The following FAM107B variants were observed in gnomAD, a reference collection of about 807,000 sequenced individuals.
FAM107B encodes family with sequence similarity 107 member B, also known as protein FAM107B.
A neutral mutation model predicts 31.5 loss-of-function variants in FAM107B; 21 were observed. The ratio of observed to expected loss-of-function variants is 0.67; its 90% CI spans 0.47 to 0.96. The LOEUF (loss-of-function observed/expected upper bound fraction) is 0.96, where lower values mean the gene tolerates loss of function less well. Among genes scored for constraint, FAM107B ranks in the 40% least tolerant of loss-of-function variants. FAM107B has a pLI of 0.00. For missense variants in FAM107B, 452 were observed against 377.1 expected (o/e 1.20, Z -1.64); for synonymous variants, 157 against 141.5 (o/e 1.11, Z -0.78).
At chr10:14,711,795 C>T in intron 1 of FAM107B, among the ~76,000 whole-genome samples, 1 of 152,206 alleles carries the variant, frequency 6.6e-6, no homozygotes, top group East Asian at 1.9e-4. Flanking sequence ...AGGCACCTGC[C>T]ACTACACCCA....
chr10:14,767,016 A>ATG lies in FAM107B; in HGVS notation c.411+7235_411+7236dup, dbSNP rs1456175007. On this transcript the variant is annotated intron_variant, in intron 1 of 4. Coordinates refer to ENST00000181796, the MANE Select transcript of FAM107B (RefSeq NM_031453.4). ...AGAAAACTGCAGAACAATATCCCTG[A>ATG]TGTGTATGTATATATATATATATAT... 2.2e-3 allele frequency among the ~76,000 whole-genome samples: 130 copies of ATG among 59,344 alleles called. 9 individuals are homozygous for ATG. The highest frequency in any genetic ancestry group is 8.1e-3 in the African/African-American group (120 of 14,728). 38.9% of individuals were successfully genotyped at this position (59,344 alleles called of 152,430 possible).
At chr10:14,614,072 A>G (rs1452502691) in intron 2 of FAM107B, among the ~76,000 whole-genome samples, 3 of 152,146 alleles carry the variant, frequency 2.0e-5, no homozygotes, top group Non-Finnish European at 4.4e-5. Flanking sequence ...CAGAGGTTGC[A>G]GTGAGCCAAG....
chr10:14,733,331 A>G (rs1856217793), intron 1 of FAM107B, among the ~76,000 whole-genome samples: 1 of 152,128 alleles, frequency 6.6e-6, no homozygotes, highest in Non-Finnish European at 1.5e-5. Context: ...CGGAGATCAC[A>G]TTTTACTTCA....
At chr10:14,737,452 A>C (rs1856326864) in intron 1 of FAM107B, among the ~76,000 whole-genome samples, 1 of 151,996 alleles carries the variant, frequency 6.6e-6, no homozygotes, top group Non-Finnish European at 1.5e-5. Context: ...GTCTCTACTA[A>C]AAATACAAAA....
At chr10:14,750,217 G>A (rs1832800357) in intron 1 of FAM107B, among the ~76,000 whole-genome samples, 1 of 152,248 alleles carries the variant, frequency 6.6e-6, no homozygotes, top group South Asian at 2.1e-4. Context: ...ACTGCCTGTG[G>A]CTAAAGCCAA....
At chr10:14,703,144 G>A (rs1226945407) in intron 1 of FAM107B, among the ~76,000 whole-genome samples, 1 of 152,074 alleles carries the variant, frequency 6.6e-6, no homozygotes, top group Non-Finnish European at 1.5e-5. Context: ...GCCCCAATGG[G>A]ATATGGGATC....
intron 1 of FAM107B, among the ~76,000 whole-genome samples, chr10:14,729,766 T>A (rs1220606113): frequency 6.6e-6 from 1 of 152,174 alleles, no homozygotes; most frequent in Non-Finnish European, 1.5e-5. Flanking sequence ...CTATTTACAA[T>A]AGCAAAGACT....
intron 2 of FAM107B, among the ~76,000 whole-genome samples, chr10:14,654,176 A>T (rs942858776): frequency 9.9e-5 from 15 of 151,876 alleles, no homozygotes; most frequent in Admixed American, 7.2e-4. Flanking sequence ...TCTCAAGAGA[A>T]ATTGGAACCT....
chr10:14,584,163 C>T (rs1851748096), intron 2 of FAM107B, among the ~76,000 whole-genome samples: 1 of 152,178 alleles, frequency 6.6e-6, no homozygotes, highest in African/African-American at 2.4e-5. Context: ...AAATAAGCAG[C>T]AACACTCTGG....
intron 1 of FAM107B, among the ~76,000 whole-genome samples, chr10:14,703,403 C>T (rs1727408520): frequency 6.7e-6 from 1 of 149,968 alleles, no homozygotes; most frequent in Admixed American, 6.7e-5. Context: ...ATCTTGTGAT[C>T]CCGGCTCACT....
chr10:14,725,821 C>CT (rs759788163), intron 1 of FAM107B, among the ~76,000 whole-genome samples: 30,698 of 94,082 alleles, frequency 0.33, 5,589 homozygotes, highest in African/African-American at 0.41. Flanking sequence ...CAGTCAAATC[C>CT]TTTTTTTTTT....
At chr10:14,603,542 G>A (rs1023317247) in intron 2 of FAM107B, among the ~76,000 whole-genome samples, 10 of 152,208 alleles carry the variant, frequency 6.6e-5, no homozygotes, top group African/African-American at 1.4e-4. Context: ...ACAAGTGGTG[G>A]ACACCATCCC....
intron 2 of FAM107B, among the ~76,000 whole-genome samples, chr10:14,647,365 G>A (rs1049652312): frequency 2.0e-5 from 3 of 152,034 alleles, no homozygotes; most frequent in African/African-American, 4.8e-5. Flanking sequence ...AGGCAGAGAC[G>A]TATAACCATC....
chr10:14,521,690 T>C (rs1372953099), intron 4 of FAM107B, among the ~76,000 whole-genome samples, 179 bp downstream of exon 4: 1 of 152,210 alleles, frequency 6.6e-6, no homozygotes, highest in Non-Finnish European at 1.5e-5. Context: ...AGGTCCTCAG[T>C]AGGATTCTTG....
chr10:14,695,957 G>A (rs1396231863), intron 1 of FAM107B, among the ~76,000 whole-genome samples: 1 of 152,094 alleles, frequency 6.6e-6, no homozygotes, highest in Admixed American at 6.6e-5. Flanking sequence ...CTTCTAATTC[G>A]GATGCCTTTT....
Position 14,629,398 on chromosome 10 carries a change from A to G in FAM107B, c.469+38236T>C, listed in dbSNP as rs61842734. 2.9e-3 allele frequency among the ~76,000 whole-genome samples: 107 copies of G among 37,336 alleles called. 15 individuals carry two copies. Among genetic ancestry groups the G allele is most frequent in the African/African-American group, 7.6e-3 (61 of 7,998 alleles). 24.5% of individuals were successfully genotyped at this position (37,336 alleles called of 152,430 possible). ...AATATATATAATATATATAATATAT[A>G]TTATATATTTAATATATATAATATA... On this transcript the variant is annotated intron_variant, in intron 2 of 4. Coordinates refer to ENST00000181796, the MANE Select transcript of FAM107B (RefSeq NM_031453.4).
At chr10:14,566,832 G>A (rs903650050) in intron 2 of FAM107B, among the ~76,000 whole-genome samples, 6 of 152,244 alleles carry the variant, frequency 3.9e-5, no homozygotes, top group Non-Finnish European at 8.8e-5. Context: ...ATGCTCATGA[G>A]AAGGAAATAC....
intron 1 of FAM107B, among the ~76,000 whole-genome samples, chr10:14,733,761 G>A (rs1271960050): frequency 6.6e-6 from 1 of 152,212 alleles, no homozygotes; most frequent in African/African-American, 2.4e-5. Flanking sequence ...AGATGAAACA[G>A]TGAGTAAATA....
intron 2 of FAM107B, among the ~76,000 whole-genome samples, chr10:14,625,465 C>T (rs56137103): frequency 0.12 from 17,667 of 152,076 alleles, 1,296 homozygotes; most frequent in Admixed American, 0.26. Context: ...TTTGTAACTG[C>T]TCCAGCCAGG....
Sources: gnomAD v4.1 joint callset for allele counts (sites outside exome capture counted in the v4.1 genomes callset) on GRCh38, gnomAD v4.1.1 for gene constraint, MANE v1.5 for transcripts, NCBI Gene and HGNC (gene_info 2026-07-23, HGNC 2026-07-21) for gene names.